CNOT4: variants seen among roughly 807,000 people sequenced by gnomAD.
CNOT4 encodes the protein CCR4-NOT transcription complex subunit 4.
A neutral mutation model predicts 73.8 loss-of-function variants in CNOT4; 8 were observed. The observed-to-expected ratio is 0.11, with a 90% CI of 0.06 to 0.20. The LOEUF (loss-of-function observed/expected upper bound fraction) is 0.20. Among genes scored for constraint, CNOT4 ranks in the 10% least tolerant of loss-of-function variants. The pLI is 1.00. For missense variants in CNOT4, 564 were observed against 883.4 expected (o/e 0.64, Z 4.58); for synonymous variants, 293 against 321.1 (o/e 0.91, Z 0.94).
At chr7:135,378,519 A>AAAAAAAAAAAACAAG (rs1491346617) in intron 10 of CNOT4, among the ~76,000 whole-genome samples, 1 of 7,172 alleles carries the variant, frequency 1.4e-4, no homozygotes, top group African/African-American at 9.6e-4. Flanking sequence ...AGAGAGAAGG[A>AAAAAAAAAAAACAAG]AAAAAAAAAA....
intron 10 of CNOT4, among the ~76,000 whole-genome samples, chr7:135,393,392 A>T (rs1796500274): frequency 6.6e-6 from 1 of 152,202 alleles, no homozygotes; most frequent in Non-Finnish European, 1.5e-5. Flanking sequence ...TATGCTTGTA[A>T]AACATTCATA....
intron 1 of CNOT4, among the ~76,000 whole-genome samples, chr7:135,504,841 G>C (rs1251297089): frequency 6.6e-6 from 1 of 151,324 alleles, no homozygotes; most frequent in Non-Finnish European, 1.5e-5. Flanking sequence ...TGTTGGCCAG[G>C]CTGGTCTCGA....
Position 135,394,149 on chromosome 7 carries a change from T to C in CNOT4, c.1396A>G (p.Asn466Asp). Reference sequence around the variant, plus strand: ...TGGGGCAAGACTGAAAAGGTACTATTGAGAGAATTGGCATTTGTAGCTGCA... The same window carrying C: ...TGGGGCAAGACTGAAAAGGTACTATCGAGAGAATTGGCATTTGTAGCTGCA... ...PAAATNANSL[N>D]STFSVLPQRF... Residue 466 changes from asparagine to aspartate, a missense_variant, in exon 10 of 12, where the codon AAT becomes GAT. Asn to Asp is a conservative substitution (Grantham distance 23). Coordinates refer to ENST00000541284, the MANE Select transcript of CNOT4 (RefSeq NM_001190850.2). The C allele has an allele frequency of 6.2e-7, 1 of 1,614,200 alleles. No homozygotes were observed. The highest frequency in any genetic ancestry group is 8.5e-7 in the Non-Finnish European group (1 of 1,180,028).
intron 1 of CNOT4, among the ~76,000 whole-genome samples, chr7:135,442,848 A>G (rs1258333687): frequency 1.3e-5 from 2 of 152,058 alleles, no homozygotes; most frequent in Non-Finnish European, 1.5e-5. Flanking sequence ...ACTTGAGGCC[A>G]GGAGTTCAAG....
chr7:135,470,386 C>T (rs1274490686), intron 1 of CNOT4, among the ~76,000 whole-genome samples: 2 of 151,688 alleles, frequency 1.3e-5, no homozygotes, highest in Non-Finnish European at 2.9e-5. Flanking sequence ...CCTCCTCAGC[C>T]TCCCAAAGTG....
chr7:135,381,205 CAT>C (rs1467386016), intron 10 of CNOT4, among the ~76,000 whole-genome samples: 2 of 152,220 alleles, frequency 1.3e-5, no homozygotes, highest in Non-Finnish European at 2.9e-5. Context: ...ACCAAAATGA[CAT>C]GAGACATCTT....
At chr7:135,449,479 G>T (rs1800034868) in intron 1 of CNOT4, among the ~76,000 whole-genome samples, 1 of 152,154 alleles carries the variant, frequency 6.6e-6, no homozygotes, top group Admixed American at 6.5e-5. Context: ...ATACCCAAAT[G>T]TGATCAATAA....
Position 135,395,716 on chromosome 7 carries a change from A to C in CNOT4, c.1047T>G (p.Ser349Arg), listed in dbSNP as rs576393274. The C allele has an allele frequency of 6.2e-7, 1 of 1,614,064 alleles. No homozygotes were observed. The highest frequency in any genetic ancestry group is 2.2e-5 in the East Asian group (1 of 44,858). Reference protein sequence around the residue: ...DNFRHPNPIPSGLPPFPSSPQ... With the variant: ...DNFRHPNPIPRGLPPFPSSPQ... ...GGGAGCTGGGGAAAGGAGGAAGCCC[A>C]CTTGGGATAGGGTTGGGATGGCGAA... The change falls in exon 9 of 12, where the codon AGT (serine) becomes AGG (arginine). Residue 349 changes from serine (S) to arginine (R), a missense_variant. By Grantham distance (110) the Ser-to-Arg change is moderately radical. Around this residue, in one of 10 missense-constraint regions of CNOT4, gnomAD observed 135 missense variants for 154.0 expected, o/e 0.88. Transcript: ENST00000541284.
intron 10 of CNOT4, among the ~76,000 whole-genome samples, chr7:135,379,672 T>C (rs995929703): frequency 6.6e-6 from 1 of 152,202 alleles, no homozygotes; most frequent in African/African-American, 2.4e-5. Flanking sequence ...AGTGGAACTA[T>C]GGCTGTAACC....
intron 1 of CNOT4, among the ~76,000 whole-genome samples, chr7:135,477,021 T>C (rs1453343223): frequency 6.6e-6 from 1 of 152,224 alleles, no homozygotes; most frequent in East Asian, 1.9e-4. Flanking sequence ...TTTTCACATA[T>C]TCTATAATGA....
intron 7 of CNOT4, among the ~76,000 whole-genome samples, chr7:135,400,888 A>C (rs1796969209): frequency 6.6e-6 from 1 of 152,198 alleles, no homozygotes; most frequent in Non-Finnish European, 1.5e-5. Context: ...AGGAATAATA[A>C]ATGAAAAGCT....
chr7:135,507,873 T>C (rs1804478631), intron 1 of CNOT4, among the ~76,000 whole-genome samples: 1 of 152,244 alleles, frequency 6.6e-6, no homozygotes, highest in Non-Finnish European at 1.5e-5. Context: ...ACTCAACTTG[T>C]AACTTAGCAC....
rs1008748924 is a variant in CNOT4, at chr7:135,387,890, T to G, written c.1627+6028A>C. 4 of 965,834 alleles carry G rather than the reference T, an allele frequency of 4.1e-6. No individual in the cohort carries two copies. The African/African-American group carries it at 5.3e-5, about 13-fold the overall frequency. The allele number at this position is 965,834 out of a possible 1,614,324, so 59.8% of individuals were successfully genotyped here. On this transcript the variant is annotated intron_variant, in intron 10 of 11. Transcript: ENST00000541284. ...CTCTTCTCTTCTGCCTTAGTCTCAT[T>G]CTGGTCAGGTACTTATAATATTATC...
At chr7:135,442,781 T>C (rs1351599438) in intron 1 of CNOT4, among the ~76,000 whole-genome samples, 1 of 151,774 alleles carries the variant, frequency 6.6e-6, no homozygotes, top group Admixed American at 6.6e-5. Context: ...TTTTTAGCCA[T>C]AAACAGTGGC....
At chr7:135,418,332 A>G (rs6976116) in intron 3 of CNOT4, among the ~76,000 whole-genome samples, 5,522 of 152,336 alleles carry the variant, frequency 0.036, 342 homozygotes, top group African/African-American at 0.13. Context: ...CCTGTACATC[A>G]GCACATTATC....
chr7:135,377,192 G>A (rs1255624979), intron 10 of CNOT4, among the ~76,000 whole-genome samples: 1 of 152,062 alleles, frequency 6.6e-6, no homozygotes, highest in Non-Finnish European at 1.5e-5. Context: ...TTAAGGCTGG[G>A]GAAACTTAAA....
intron 1 of CNOT4, among the ~76,000 whole-genome samples, chr7:135,489,197 C>T (rs1234650905): frequency 6.6e-6 from 1 of 151,690 alleles, no homozygotes; most frequent in East Asian, 1.9e-4. Context: ...TTCCACTAGC[C>T]ATATTTAGAA....
chr7:135,445,864 T>A (rs979436347), intron 1 of CNOT4, among the ~76,000 whole-genome samples: 2 of 152,204 alleles, frequency 1.3e-5, no homozygotes, highest in African/African-American at 4.8e-5. Flanking sequence ...AAATATTTTA[T>A]GTTTTCACTT....
chr7:135,385,729 G>C (rs1796088525), intron 10 of CNOT4, among the ~76,000 whole-genome samples: 1 of 152,136 alleles, frequency 6.6e-6, no homozygotes, highest in Non-Finnish European at 1.5e-5. Flanking sequence ...CAGTTACTGA[G>C]AGATGATAAA....
Sources: gnomAD v4.1 joint callset for allele counts (sites outside exome capture counted in the v4.1 genomes callset) on GRCh38, gnomAD v4.1.1 for gene constraint, gnomAD v4.1.1 regional missense constraint, MANE v1.5 for transcripts, NCBI Gene and HGNC (gene_info 2026-07-23, HGNC 2026-07-21) for gene names.